The following CNGB1 variants were observed in gnomAD, a reference collection of about 807,000 sequenced individuals.
The protein encoded by CNGB1 is cyclic nucleotide gated channel subunit beta 1.
A neutral mutation model predicts 151.7 loss-of-function variants in CNGB1; 126 were observed. The ratio of observed to expected loss-of-function variants is 0.83; its 90% CI spans 0.72 to 0.96. The LOEUF (loss-of-function observed/expected upper bound fraction) is 0.96. CNGB1 is among the 40% of genes least tolerant of loss of function. The pLI is 0.00. For missense variants in CNGB1, 1,698 were observed against 1,627.0 expected, an observed-to-expected ratio of 1.04 and a Z score of -0.75; for synonymous variants, 623 against 635.1, an observed-to-expected ratio of 0.98 and a Z score of 0.29.
At chr16:57,932,774 G>A (rs1238941203) in intron 16 of CNGB1, among the ~76,000 whole-genome samples, 1 of 152,108 alleles carries the variant, frequency 6.6e-6, no homozygotes, top group Non-Finnish European at 1.5e-5. Context: ...TAGAGACCGG[G>A]TTTCACCGTG....
At chr16:57,908,063 AT>A (rs1280545384) in intron 25 of CNGB1, among the ~76,000 whole-genome samples, 1 of 151,844 alleles carries the variant, frequency 6.6e-6, no homozygotes, top group Non-Finnish European at 1.5e-5. Flanking sequence ...TAAGTTTTGT[AT>A]TTTTTTTGTA....
chr16:57,935,467 G>A (rs1383285948), intron 16 of CNGB1, among the ~76,000 whole-genome samples: 2 of 152,066 alleles, frequency 1.3e-5, no homozygotes, highest in African/African-American at 4.8e-5. Flanking sequence ...ATCACCTGAG[G>A]TCAGGAGTTC....
intron 16 of CNGB1, among the ~76,000 whole-genome samples, chr16:57,936,217 G>T (rs1208987888): frequency 6.6e-6 from 1 of 152,100 alleles, no homozygotes; most frequent in Non-Finnish European, 1.5e-5. Flanking sequence ...CTCCACCCTA[G>T]CCTCTGAGGA....
At chr16:57,887,779 A>G (rs1959971277) in intron 32 of CNGB1, 76 bp downstream of exon 32, 2 of 1,384,496 alleles carry the variant, frequency 1.4e-6, no homozygotes, top group Non-Finnish European at 1.0e-6. Context: ...TGTGTGGCCC[A>G]CTCTTGGAGA....
At chr16:57,892,943 G>A (rs16959476) in intron 31 of CNGB1, among the ~76,000 whole-genome samples, 7,514 of 152,274 alleles carry the variant, frequency 0.049, 297 homozygotes, top group African/African-American at 0.11. Flanking sequence ...GTAGCCAGAC[G>A]CATCACATCA....
chr16:57,962,518 C>T, intron 7 of CNGB1, 47 bp downstream of exon 7: 3 of 1,572,828 alleles, frequency 1.9e-6, no homozygotes, highest in East Asian at 2.2e-5. Flanking sequence ...CCTGTTCCTC[C>T]CACCCACACA....
At chr16:57,930,536 G>A (rs1383175632) in intron 17 of CNGB1, among the ~76,000 whole-genome samples, 4 of 129,554 alleles carry the variant, frequency 3.1e-5, no homozygotes, top group East Asian at 5.1e-4. Context: ...GAGGGGAAGA[G>A]AGGGGAGGGG....
rs2149364832 is a variant in CNGB1 at position 57,917,373 on chromosome 16, G to A, written c.2061C>T (p.Asn687=). The A allele has an allele frequency of 1.2e-6, 2 of 1,614,138 alleles. No homozygotes were observed. Among genetic ancestry groups the A allele is most frequent in the Non-Finnish European group, 1.7e-6 (2 of 1,180,026 alleles). ...RWAFPYQTPD[N]IHHWLLMDYL... Reference sequence around the variant, plus strand: ...AATCCATCAGCAGCCAGTGGTGGATGTTGTCCGGGGTCTGGTAGGGGAAGG... The same window carrying A: ...AATCCATCAGCAGCCAGTGGTGGATATTGTCCGGGGTCTGGTAGGGGAAGG... Residue 687 remains asparagine (N), a synonymous_variant, in exon 21 of 33, where the codon AAC becomes AAT. Transcript: ENST00000251102.
intron 12 of CNGB1, among the ~76,000 whole-genome samples, chr16:57,952,477 G>A (rs1188209181): frequency 2.8e-5 from 3 of 105,776 alleles, no homozygotes; most frequent in Non-Finnish European, 6.2e-5. Context: ...GTGCGTGGGT[G>A]TTTTACAAGC....
At position 57,904,821 on chromosome 16, in the gene CNGB1, C is replaced by T; in HGVS notation, c.2547G>A (p.Leu849=). 6.2e-7 allele frequency: 1 copy of T among 1,614,164 alleles called. No homozygotes were observed. The highest frequency in any genetic ancestry group is 1.6e-4 in the Middle Eastern group (1 of 6,062). ...TTTCAAAGAGTGTCTTGGGGTCAGG[C>T]AGCCCCCCGATGGTGATGAGGGTCT... ...AVKTLITIGG[L]PDPKTLFEIV... is the part of the protein sequence containing the mutation. Residue 849 remains leucine, a synonymous_variant, in exon 26 of 33, where the codon CTG becomes CTA. Coordinates refer to ENST00000251102, the MANE Select transcript of CNGB1 (RefSeq NM_001297.5).
chr16:57,944,197 C>A (rs1219151741), intron 14 of CNGB1, among the ~76,000 whole-genome samples: 2 of 152,160 alleles, frequency 1.3e-5, no homozygotes, highest in Non-Finnish European at 2.9e-5. Context: ...TATATATACA[C>A]AATAGAATTC....
At chr16:57,966,810 C>T (rs11644617) in intron 2 of CNGB1, among the ~76,000 whole-genome samples, 23,127 of 152,204 alleles carry the variant, frequency 0.15, 2,418 homozygotes, top group East Asian at 0.4. Context: ...CAGCTATGCT[C>T]ATTCATTCAT....
chr16:57,899,562 C>T (rs1960329543), intron 29 of CNGB1, among the ~76,000 whole-genome samples: 1 of 152,178 alleles, frequency 6.6e-6, no homozygotes, highest in South Asian at 2.1e-4. Context: ...AATGCTTGAA[C>T]CCAGGAGGCG....
chr16:57,958,598 G>C, intron 10 of CNGB1, 113 bp from the exon 11 acceptor site: 1 of 880,996 alleles, frequency 1.1e-6, no homozygotes, highest in Admixed American at 2.0e-5. Context: ...GGCAGAGCCT[G>C]CCAGGAGCCA....
rs1014747308 is a variant in CNGB1, at chr16:57,964,411, C to G, written c.217+76G>C. On this transcript the variant is annotated intron_variant, in intron 3 of 32. Transcript: ENST00000251102. ...ATCTGTGAAATGGGTCCGCCAGCCTCGTGGGCTCTGCGGCTCCGAGGGGAG... is the reference window on the plus strand; with the variant it reads ...ATCTGTGAAATGGGTCCGCCAGCCTGGTGGGCTCTGCGGCTCCGAGGGGAG... The G allele has an allele frequency of 3.2e-6, 5 of 1,575,394 alleles. No individual in the cohort carries two copies. In the East Asian group the frequency reaches 1.1e-4, roughly 35 times the overall value.
At chr16:57,891,119 G>T (rs537758392) in intron 31 of CNGB1, among the ~76,000 whole-genome samples, 1 of 152,224 alleles carries the variant, frequency 6.6e-6, no homozygotes, top group East Asian at 1.9e-4. Context: ...ACAGCTAAAA[G>T]CATGGCTTTC....
intron 21 of CNGB1, 91 bp from the exon 22 acceptor site, chr16:57,916,270 C>A (rs1201805592): frequency 7.6e-7 from 1 of 1,310,112 alleles, no homozygotes; most frequent in Non-Finnish European, 1.1e-6. Context: ...AAGAACCCCA[C>A]CCTGAAACGA....
chr16:57,964,021 G>T, intron 4 of CNGB1, 109 bp downstream of exon 4: 1 of 974,248 alleles, frequency 1.0e-6, no homozygotes, highest in African/African-American at 1.6e-5. Flanking sequence ...CAGAATGACA[G>T]CAGAGCTAAG....
intron 2 of CNGB1, among the ~76,000 whole-genome samples, chr16:57,965,073 T>TACAA (rs1428158982): frequency 6.6e-6 from 1 of 152,048 alleles, no homozygotes; most frequent in Non-Finnish European, 1.5e-5. Flanking sequence ...TATGTGTATG[T>TACAA]ACAAACAAAT....
Sources: allele counts gnomAD v4.1 joint callset (sites outside exome capture counted in the v4.1 genomes callset), GRCh38; gene constraint gnomAD v4.1.1; transcripts MANE v1.5; gene names NCBI Gene and HGNC (gene_info 2026-07-23, HGNC 2026-07-21).